DCAF5: variants seen among roughly 807,000 people sequenced by gnomAD.
DCAF5 encodes the protein DDB1- and CUL4-associated factor 5.
Under a neutral mutation model 80.7 loss-of-function variants are expected in DCAF5, and 9 were observed. That is an observed-to-expected ratio of 0.11 (90% CI 0.07 to 0.19). DCAF5 has a LOEUF of 0.19. Ranked by LOEUF, DCAF5 falls within the 10% of genes least tolerant of loss-of-function variation. The probability of loss-of-function intolerance (pLI) is 1.00; values close to 1 mark genes in which losing one functional copy is unlikely to be tolerated. For missense variants in DCAF5, 842 were observed against 1,205.7 expected, an observed-to-expected ratio of 0.70 and a Z score of 4.47; for synonymous variants, 433 against 461.9, an observed-to-expected ratio of 0.94 and a Z score of 0.80.
intron 5 of DCAF5, among the ~76,000 whole-genome samples, chr14:69,102,107 C>CTTTTT (rs141874345): frequency 7.5e-6 from 1 of 133,028 alleles, no homozygotes; most frequent in African/African-American, 2.8e-5. Flanking sequence ...TTTACTATAA[C>CTTTTT]TTTTTTTTTT....
intron 1 of DCAF5, among the ~76,000 whole-genome samples, chr14:69,125,884 T>C (rs943826885): frequency 6.6e-6 from 1 of 152,104 alleles, no homozygotes; most frequent in Non-Finnish European, 1.5e-5. Context: ...TTTATATTGT[T>C]TATGGATAAA....
intron 1 of DCAF5, among the ~76,000 whole-genome samples, chr14:69,135,809 A>T (rs2041171933): frequency 6.6e-6 from 1 of 152,232 alleles, no homozygotes; most frequent in Non-Finnish European, 1.5e-5. Flanking sequence ...TTTAAAATAT[A>T]CAATGAAATG....
chr14:69,127,041 T>C (rs969209542), intron 1 of DCAF5, among the ~76,000 whole-genome samples: 3 of 152,218 alleles, frequency 2.0e-5, no homozygotes, highest in Non-Finnish European at 2.9e-5. Context: ...CTGGTAGGAT[T>C]GCAAAATGGT....
intron 2 of DCAF5, 83 bp downstream of exon 2, chr14:69,122,134 G>A: frequency 6.7e-7 from 1 of 1,501,762 alleles, no homozygotes. Flanking sequence ...AATACAGGAA[G>A]AAAAATAAGG....
chr14:69,061,077 T>C (rs1594929950), intron 8 of DCAF5, among the ~76,000 whole-genome samples: 1 of 151,926 alleles, frequency 6.6e-6, no homozygotes, highest in Non-Finnish European at 1.5e-5. Flanking sequence ...GGGAACATGG[T>C]TCACTGTAGC....
At chr14:69,107,653 C>T (rs576788638) in intron 5 of DCAF5, among the ~76,000 whole-genome samples, 2 of 152,322 alleles carry the variant, frequency 1.3e-5, no homozygotes, top group Admixed American at 1.3e-4. Flanking sequence ...TGCCACATAA[C>T]TAATTGACGG....
chr14:69,054,347 A>C lies in DCAF5; in HGVS notation c.2339T>G (p.Leu780Arg). The C allele has an allele frequency of 6.2e-7, 1 of 1,614,108 alleles. No homozygotes were observed. Among genetic ancestry groups the C allele is most frequent in the Non-Finnish European group, 8.5e-7 (1 of 1,180,018 alleles). The change falls in exon 9 of 9, where the codon CTC (leucine) becomes CGC (arginine). Residue 780 changes from leucine (L) to arginine (R), a missense_variant. Around this residue, in one of 5 missense-constraint regions of DCAF5, gnomAD observed 607 missense variants for 656.6 expected, o/e 0.92. Transcript: ENST00000341516. ...SVEHPFETKKLNGKALSSRAE... is the reference protein window; with the variant it reads ...SVEHPFETKKRNGKALSSRAE... ...CCGACTGCTCAGGGCCTTTCCATTG[A>C]GCTTCTTGGTTTCAAAAGGGTGCTC... is the stretch of plus-strand genomic sequence containing the variant.
rs1435194128 is a variant in DCAF5 at position 69,054,512 on chromosome 14, G to A, written c.2174C>T (p.Pro725Leu). The change falls in exon 9 of 9, where the codon CCT becomes CTT. Residue 725 changes from proline to leucine, a missense_variant. Physicochemically the swap from Pro to Leu is moderately conservative, Grantham distance 98. Transcript: ENST00000341516. ...AMAQRNQDLP[P>L]EGCSKDTFKE... ...AAAAGTGTCCTTGCTGCAGCCTTCA[G>A]GTGGCAGGTCCTGGTTCCTCTGGGC... 1 of 1,614,194 alleles carries A rather than the reference G, an allele frequency of 6.2e-7. No individual in the cohort carries two copies. Among genetic ancestry groups the A allele is most frequent in the South Asian group, 1.1e-5 (1 of 91,090 alleles).
intron 5 of DCAF5, among the ~76,000 whole-genome samples, chr14:69,114,019 C>T (rs906150432): frequency 1.3e-5 from 2 of 152,090 alleles, no homozygotes; most frequent in Non-Finnish European, 2.9e-5. Flanking sequence ...AAAACCTTAC[C>T]CATAATTGAA....
In DCAF5 at chr14:69,085,330, T is replaced by A. The variant is rs1005843684; in HGVS notation, c.879+6344A>T. The A allele has an allele frequency of 1.0e-5, 7 of 696,956 alleles. No homozygotes were observed. In the African/African-American group the frequency reaches 1.2e-4, roughly 12 times the overall value. 43.2% of individuals were successfully genotyped at this position (696,956 alleles called of 1,614,324 possible). A position where few individuals can be genotyped will look rare whatever the true frequency, so the allele number is the denominator to read the frequency against. On this transcript the variant is annotated intron_variant, in intron 6 of 8. Coordinates refer to ENST00000341516, the MANE Select transcript of DCAF5 (RefSeq NM_003861.3). ...CCAGAAAACCAAGAAAGTTGAGAAGTCCAAAATCTTTAAACATATTAGCAA... is the reference window on the plus strand; with the variant it reads ...CCAGAAAACCAAGAAAGTTGAGAAGACCAAAATCTTTAAACATATTAGCAA...
intron 5 of DCAF5, among the ~76,000 whole-genome samples, chr14:69,105,791 A>G (rs984306491): frequency 6.7e-6 from 1 of 150,188 alleles, no homozygotes; most frequent in Non-Finnish European, 1.5e-5. Flanking sequence ...CTGTCGGCCT[A>G]CCTGGTTTTG....
intron 5 of DCAF5, among the ~76,000 whole-genome samples, chr14:69,114,931 G>A (rs2040495359): frequency 6.6e-6 from 1 of 152,156 alleles, no homozygotes; most frequent in South Asian, 2.1e-4. Context: ...ACCATGAATT[G>A]CTCAAGCTTT....
chr14:69,065,096 C>CTTTT lies in DCAF5; in HGVS notation c.947-2589_947-2586dup, dbSNP rs34005299. 7.1e-4 allele frequency among the ~76,000 whole-genome samples: 86 copies of CTTTT among 120,306 alleles called. 2 individuals carry two copies. Among genetic ancestry groups the CTTTT allele is most frequent in the African/African-American group, 1.9e-3 (60 of 31,074 alleles). The allele number at this position is 120,306 out of a possible 152,430, so 78.9% of individuals were successfully genotyped here. A position where few individuals can be genotyped will look rare whatever the true frequency, so the allele number is the denominator to read the frequency against. On this transcript the variant is annotated intron_variant, in intron 7 of 8. Coordinates refer to ENST00000341516, the MANE Select transcript of DCAF5 (RefSeq NM_003861.3). ...CTTGCACTTTCATGCAATATGACCT[C>CTTTT]TTTTTTTTTTTTTTTTTTTGAGACG...
intron 7 of DCAF5, among the ~76,000 whole-genome samples, chr14:69,070,790 C>CTTT (rs67836121): frequency 6.9e-6 from 1 of 144,362 alleles, no homozygotes; most frequent in African/African-American, 2.5e-5. Context: ...TTTTATTTTT[C>CTTT]TTTTTTTTTT....
rs185370559 is a variant in DCAF5 at position 69,054,757 on chromosome 14, T to G, written c.1929A>C (p.Gln643His). 22 of 1,614,250 alleles carry G rather than the reference T, an allele frequency of 1.4e-5. No individual in the cohort carries two copies. The East Asian group carries it at 4.7e-4, about 34-fold the overall frequency. ...PERSTSTLEI[Q>H]PSRASPTSDI... ...CAGAAGTTGGTGATGCCCGGCTTGG[T>G]TGAATCTCTAGCGTGGAAGTGCTCC... is the stretch of plus-strand genomic sequence containing the variant. Residue 643 changes from glutamine to histidine, a missense_variant, in exon 9 of 9, where the codon CAA becomes CAC. Physicochemically the swap from Gln to His is conservative, Grantham distance 24. Coordinates refer to ENST00000341516, the MANE Select transcript of DCAF5 (RefSeq NM_003861.3).
chr14:69,096,075 A>C (rs2039702697), intron 5 of DCAF5, among the ~76,000 whole-genome samples: 1 of 152,246 alleles, frequency 6.6e-6, no homozygotes, highest in Non-Finnish European at 1.5e-5. Context: ...TACAACCCAC[A>C]GAATATGACA....
At chr14:69,125,231 T>C (rs1173568620) in intron 1 of DCAF5, among the ~76,000 whole-genome samples, 1 of 152,214 alleles carries the variant, frequency 6.6e-6, no homozygotes, top group Non-Finnish European at 1.5e-5. Flanking sequence ...GTTGAAGGGA[T>C]TGTCCGCCTT....
At chr14:69,104,598 GTAATCCC>G (rs2140014155) in intron 5 of DCAF5, among the ~76,000 whole-genome samples, 1 of 152,224 alleles carries the variant, frequency 6.6e-6, no homozygotes, top group Non-Finnish European at 1.5e-5. Flanking sequence ...GCTCACGTCT[GTAATCCC>G]AGCACTTTGG....
intron 2 of DCAF5, 126 bp downstream of exon 2, chr14:69,122,091 C>A: frequency 8.8e-7 from 1 of 1,139,930 alleles, no homozygotes; most frequent in Non-Finnish European, 1.3e-6. Context: ...AAAAGACAAG[C>A]TATGAGAAAC....
Sources: allele counts gnomAD v4.1 joint callset (sites outside exome capture counted in the v4.1 genomes callset), GRCh38; gene constraint gnomAD v4.1.1; regional missense constraint gnomAD v4.1.1; transcripts MANE v1.5; gene names NCBI Gene and HGNC (gene_info 2026-07-23, HGNC 2026-07-21).